Variants in RPH3A observed in about 807,000 individuals in gnomAD.
RPH3A encodes the protein rabphilin-3A.
In RPH3A, 48 loss-of-function variants were observed where a neutral mutation model predicts 102.2. The observed-to-expected ratio is 0.47, with a 90% CI of 0.37 to 0.60. RPH3A has a LOEUF of 0.60. Among genes scored for constraint, RPH3A ranks in the 20% least tolerant of loss-of-function variants. The probability of loss-of-function intolerance (pLI) is 0.00; values close to 1 mark genes in which losing one functional copy is unlikely to be tolerated. For missense variants in RPH3A, 781 were observed against 910.1 expected (o/e 0.86, Z 1.83); for synonymous variants, 310 against 324.3 (o/e 0.96, Z 0.47).
intron 4 of RPH3A, among the ~76,000 whole-genome samples, chr12:112,839,650 C>A (rs2042110168): frequency 6.6e-6 from 1 of 152,194 alleles, no homozygotes; most frequent in Admixed American, 6.5e-5. Flanking sequence ...CATTTTATTT[C>A]CCACAGCAAG....
chr12:112,731,759 A>G (rs2040635674), intron 1 of RPH3A, among the ~76,000 whole-genome samples: 1 of 152,218 alleles, frequency 6.6e-6, no homozygotes, highest in Non-Finnish European at 1.5e-5. Flanking sequence ...CGTCTACAAA[A>G]ATGACATTTA....
intron 1 of RPH3A, among the ~76,000 whole-genome samples, chr12:112,597,199 G>A (rs1341834500): frequency 6.6e-6 from 1 of 152,142 alleles, no homozygotes; most frequent in African/African-American, 2.4e-5. Context: ...GAGAAAAGAC[G>A]GTGTTCAAGA....
intron 13 of RPH3A, among the ~76,000 whole-genome samples, chr12:112,878,691 G>A (rs557253451): frequency 2.7e-4 from 41 of 152,358 alleles, no homozygotes; most frequent in African/African-American, 7.5e-4. Flanking sequence ...TATGGATAAC[G>A]AGAAGGTGCC....
intron 1 of RPH3A, among the ~76,000 whole-genome samples, chr12:112,640,379 T>C (rs1474134823): frequency 7.6e-6 from 1 of 131,100 alleles, no homozygotes; most frequent in Non-Finnish European, 1.6e-5. Flanking sequence ...AGCAGGGCTC[T>C]GGCTGAAGGC....
At chr12:112,706,477 A>G (rs2040427643) in intron 1 of RPH3A, among the ~76,000 whole-genome samples, 2 of 152,096 alleles carry the variant, frequency 1.3e-5, no homozygotes, top group Non-Finnish European at 2.9e-5. Context: ...TGCTGGGATC[A>G]CTTTCCAAAC....
intron 1 of RPH3A, among the ~76,000 whole-genome samples, chr12:112,672,891 G>A (rs546208583): frequency 6.6e-6 from 1 of 152,240 alleles, no homozygotes; most frequent in South Asian, 2.1e-4. Context: ...GGTTGCCTGT[G>A]CATCAGGTCA....
At chr12:112,701,380 TA>T in intron 1 of RPH3A, among the ~76,000 whole-genome samples, 1 of 152,298 alleles carries the variant, frequency 6.6e-6, no homozygotes, top group East Asian at 1.9e-4. Flanking sequence ...ATGTAATGCT[TA>T]TTATCTTTTA....
At chr12:112,630,877 A>G (rs73431653) in intron 1 of RPH3A, among the ~76,000 whole-genome samples, 3,584 of 152,214 alleles carry the variant, frequency 0.024, 146 homozygotes, top group African/African-American at 0.081. Context: ...GAACAACATT[A>G]AACAGGTGAA....
intron 1 of RPH3A, among the ~76,000 whole-genome samples, chr12:112,688,260 T>C (rs2040281609): frequency 6.6e-6 from 1 of 152,174 alleles, no homozygotes; most frequent in Non-Finnish European, 1.5e-5. Context: ...TTCCAAATAT[T>C]GTATACCCCA....
rs5742214 is a variant in RPH3A, at chr12:112,791,867, GGAGAGAGAGA to G, written c.-256_-247del. On this transcript the variant is annotated 5_prime_UTR_variant, in exon 1 of 22. Coordinates refer to ENST00000389385, the MANE Select transcript of RPH3A (RefSeq NM_001143854.2). ...CGCGGACTGGAAAGGAAGGGAGAAG[GGAGAGAGAGA>G]GAGAGAGAGAGAGAGAGAGAGAGAG... The G allele has an allele frequency of 4.1e-5, 2 of 48,478 alleles. No individual in the cohort carries two copies. Among genetic ancestry groups the G allele is most frequent in the African/African-American group, 1.9e-4 (2 of 10,408 alleles). The allele number at this position is 48,478 out of a possible 1,614,324, so 3.0% of individuals were successfully genotyped here.
chr12:112,858,792 G>A (rs190515616), intron 5 of RPH3A, among the ~76,000 whole-genome samples: 1 of 152,302 alleles, frequency 6.6e-6, no homozygotes, highest in East Asian at 1.9e-4. Context: ...ACCACGTTGG[G>A]AACCTGCTTC....
Position 112,754,346 on chromosome 12 carries a change from AAT to A in RPH3A, c.-139-37795_-139-37794del, listed in dbSNP as rs1417577498. ...GCATCTGCCTTAGTGCCTGTAGTAT[AAT>A]AGGTGCCAAGCAAATAAACAGAAGG... On this transcript the variant is annotated intron_variant, in intron 1 of 21. Coordinates refer to the RPH3A transcript ENST00000543106. Among the ~76,000 whole-genome samples, 504 of 121,366 alleles carry A rather than the reference AAT, an allele frequency of 4.2e-3. 4 individuals are homozygous for A. Among genetic ancestry groups the A allele is most frequent in the Middle Eastern group, 0.013 (3 of 226 alleles). 79.6% of individuals were successfully genotyped at this position (121,366 alleles called of 152,430 possible). A position where few individuals can be genotyped will look rare whatever the true frequency, so the allele number is the denominator to read the frequency against.
intron 1 of RPH3A, among the ~76,000 whole-genome samples, chr12:112,581,874 C>G (rs1410472133): frequency 2.7e-5 from 4 of 147,984 alleles, no homozygotes; most frequent in Non-Finnish European, 6.0e-5. Context: ...TTCAGCTTCT[C>G]TGGGCTTAGT....
Position 112,881,814 on chromosome 12 carries a change from G to A in RPH3A, c.1294G>A (p.Val432Ile), listed in dbSNP as rs368476874. 49 of 1,612,510 alleles carry A rather than the reference G, an allele frequency of 3.0e-5. No individual in the cohort carries two copies. The East Asian group carries it at 5.8e-4, about 19-fold the overall frequency. The stretch of plus-strand genomic sequence containing the variant: ...TTCAAACGGCTTGGCTGATCCCTAC[G>A]TTAAGCTGCACCTCCTGCCGGGAGC... Reference protein sequence around the residue: ...MDSNGLADPYVKLHLLPGASK... With the variant: ...MDSNGLADPYIKLHLLPGASK... The change falls in exon 15 of 22, where the codon GTT becomes ATT. Residue 432 changes from valine to isoleucine, a missense_variant. Val to Ile is a conservative substitution (Grantham distance 29, BLOSUM62 3). This residue lies in a region of RPH3A where 730 missense variants were observed against 810.0 expected (regional missense o/e 0.90). Transcript: ENST00000389385.
At chr12:112,752,348 A>G (rs1162347804) in intron 1 of RPH3A, among the ~76,000 whole-genome samples, 2 of 152,206 alleles carry the variant, frequency 1.3e-5, no homozygotes, top group African/African-American at 4.8e-5. Context: ...AAAAAATTCA[A>G]TTATAGAAAC....
At chr12:112,817,449 C>A (rs954966775) in intron 2 of RPH3A, among the ~76,000 whole-genome samples, 3 of 150,816 alleles carry the variant, frequency 2.0e-5, no homozygotes, top group Non-Finnish European at 4.4e-5. Context: ...TGGGAAGACA[C>A]CCCCACCCCC....
chr12:112,891,749 C>T (rs2043099020), intron 19 of RPH3A, among the ~76,000 whole-genome samples: 1 of 152,218 alleles, frequency 6.6e-6, no homozygotes, highest in African/African-American at 2.4e-5. Flanking sequence ...CCGACCTTAG[C>T]ATCCCTGCCA....
chr12:112,766,359 G>A (rs1565874153), intron 1 of RPH3A, among the ~76,000 whole-genome samples: 1 of 152,176 alleles, frequency 6.6e-6, no homozygotes, highest in South Asian at 2.1e-4. Flanking sequence ...TGGTACATAG[G>A]AAGTACTCAA....
At chr12:112,628,140 A>G (rs2039779103) in intron 1 of RPH3A, among the ~76,000 whole-genome samples, 1 of 152,024 alleles carries the variant, frequency 6.6e-6, no homozygotes, top group South Asian at 2.1e-4. Context: ...GCAATTTGAC[A>G]TGAGATTTGG....
Sources: allele counts gnomAD v4.1 joint callset (sites outside exome capture counted in the v4.1 genomes callset), GRCh38; gene constraint gnomAD v4.1.1; regional missense constraint gnomAD v4.1.1; transcripts MANE v1.5; gene names NCBI Gene and HGNC (gene_info 2026-07-23, HGNC 2026-07-21).